Variants in RPSA2 observed in about 807,000 individuals in gnomAD.
RPSA2 encodes small ribosomal subunit protein uS2B.
At chr19:23,855,286 C>T in the RPSA2 span, among the ~76,000 whole-genome samples, 620 of 152,274 alleles carry the variant, frequency 4.1e-3, 6 homozygotes, top group South Asian at 0.019. Context: ...ATTGTAAATG[C>T]TGAGATGGAG....
At chr19:23,835,665 C>T in the RPSA2 span, among the ~76,000 whole-genome samples, 1 of 151,706 alleles carries the variant, frequency 6.6e-6, no homozygotes, top group African/African-American at 2.4e-5. Context: ...GAGATAGAGT[C>T]TTGCTCTGTC....
chr19:23,791,320 A>C, the RPSA2 span, among the ~76,000 whole-genome samples: 1 of 152,136 alleles, frequency 6.6e-6, no homozygotes, highest in Admixed American at 6.5e-5. Flanking sequence ...ATTTTTACAC[A>C]TCAGGGTGGA....
chr19:23,781,453 C>G, the RPSA2 span, among the ~76,000 whole-genome samples: 1 of 152,112 alleles, frequency 6.6e-6, no homozygotes, highest in South Asian at 2.1e-4. Context: ...ATTCTCCTGC[C>G]TCAGCCTTCC....
At chr19:23,864,078 T>G in the RPSA2 span, among the ~76,000 whole-genome samples, 2 of 152,036 alleles carry the variant, frequency 1.3e-5, no homozygotes, top group African/African-American at 4.8e-5. Context: ...GCACACACAC[T>G]CTCTCATTCC....
the RPSA2 span, among the ~76,000 whole-genome samples, chr19:23,852,876 C>T: frequency 4.6e-5 from 7 of 152,246 alleles, no homozygotes; most frequent in Admixed American, 1.3e-4. Flanking sequence ...TCTTTATCAA[C>T]TGCCATTCCT....
the RPSA2 span, among the ~76,000 whole-genome samples, chr19:23,830,394 C>T: frequency 1.3e-5 from 2 of 152,198 alleles, no homozygotes; most frequent in African/African-American, 4.8e-5. Context: ...ATCCGTCCAC[C>T]TCTGCCTCCC....
At chr19:23,829,522 A>G in the RPSA2 span, among the ~76,000 whole-genome samples, 145 of 152,292 alleles carry the variant, frequency 9.5e-4, 1 homozygote, top group African/African-American at 3.3e-3. Flanking sequence ...GCTAGTCTTG[A>G]ACTCCTGACT....
the RPSA2 span, among the ~76,000 whole-genome samples, chr19:23,870,975 T>C: frequency 1.3e-5 from 2 of 152,160 alleles, no homozygotes; most frequent in Non-Finnish European, 2.9e-5. Context: ...CTTGAGATTA[T>C]CTACTGGGAC....
the RPSA2 span, among the ~76,000 whole-genome samples, chr19:23,803,130 CAG>C: frequency 1.4e-5 from 2 of 144,404 alleles, no homozygotes; most frequent in Non-Finnish European, 3.0e-5. Flanking sequence ...AAAAATGAAA[CAG>C]AACTGAAAAT....
chr19:23,856,295 C>T, the RPSA2 span, among the ~76,000 whole-genome samples: 2 of 152,146 alleles, frequency 1.3e-5, no homozygotes, highest in Admixed American at 1.3e-4. Context: ...CTTACACCAA[C>T]ACGATCCCAT....
chr19:23,858,615 A>G, the RPSA2 span, among the ~76,000 whole-genome samples: 1 of 152,230 alleles, frequency 6.6e-6, no homozygotes, highest in Non-Finnish European at 1.5e-5. Flanking sequence ...AGCAGCCTGT[A>G]AAATCGAGCT....
At chr19:23,854,251 G>T in the RPSA2 span, among the ~76,000 whole-genome samples, 2 of 152,148 alleles carry the variant, frequency 1.3e-5, no homozygotes, top group African/African-American at 4.8e-5. Context: ...CTAACACCAG[G>T]CCCACTGAAC....
chr19:23,806,762 G>C, the RPSA2 span, among the ~76,000 whole-genome samples: 21 of 138,896 alleles, frequency 1.5e-4, no homozygotes, highest in Non-Finnish European at 2.6e-4. Flanking sequence ...TCCAACCTGG[G>C]TGACAGAGCG....
the RPSA2 span, among the ~76,000 whole-genome samples, chr19:23,854,707 A>AT: frequency 6.6e-6 from 1 of 152,138 alleles, no homozygotes; most frequent in South Asian, 2.1e-4. Flanking sequence ...TAACAATGCA[A>AT]TTTTTTTGAG....
chr19:23,767,698 A>G, the RPSA2 span, among the ~76,000 whole-genome samples: 5 of 151,574 alleles, frequency 3.3e-5, no homozygotes, highest in Middle Eastern at 3.4e-3. Flanking sequence ...TTGTGTCCCA[A>G]TCAGCACTGC....
At chr19:23,764,963 T>C in the RPSA2 span, among the ~76,000 whole-genome samples, 2 of 152,126 alleles carry the variant, frequency 1.3e-5, no homozygotes, top group African/African-American at 4.8e-5. Flanking sequence ...CTGTCTGGGG[T>C]AACTCAACAT....
chr19:23,860,539 C>G, the RPSA2 span, among the ~76,000 whole-genome samples: 1 of 152,120 alleles, frequency 6.6e-6, no homozygotes, highest in Admixed American at 6.5e-5. Context: ...TTATATCCAT[C>G]TTTGCAGTTC....
the RPSA2 span, among the ~76,000 whole-genome samples, chr19:23,775,579 C>T: frequency 5.5e-4 from 84 of 152,272 alleles, no homozygotes; most frequent in African/African-American, 1.7e-3. Flanking sequence ...CACACCCAGC[C>T]AACAGTAAAG....
the RPSA2 span, chr19:23,798,831 T>G: frequency 8.9e-4 from 101 of 113,914 alleles, 1 homozygote; most frequent in African/African-American, 3.0e-3. Flanking sequence ...AGACAGATGA[T>G]GTGGCCACCC....
Sources: allele counts gnomAD v4.1 joint callset (sites outside exome capture counted in the v4.1 genomes callset), GRCh38; gene constraint gnomAD v4.1.1; transcripts MANE v1.5; gene names NCBI Gene and HGNC (gene_info 2026-07-23, HGNC 2026-07-21).